The following GGT1 variants were observed in gnomAD, a reference collection of about 807,000 sequenced individuals.
GGT1 encodes the protein gamma-glutamyltransferase 1, also known as glutathione hydrolase 1 proenzyme.
GGT1 carries 21 observed loss-of-function variants against 56.0 expected under a neutral mutation model. That is an observed-to-expected ratio of 0.38 (90% CI 0.27 to 0.54). The LOEUF (loss-of-function observed/expected upper bound fraction) is 0.54, where lower values mean the gene tolerates loss of function less well. Among genes scored for constraint, GGT1 ranks in the 20% least tolerant of loss-of-function variants. GGT1 has a pLI of 0.82. For missense variants in GGT1, 466 were observed against 787.0 expected (o/e 0.59, Z 4.88); for synonymous variants, 238 against 342.6 (o/e 0.69, Z 3.37).
intron 1 of GGT1, among the ~76,000 whole-genome samples, chr22:24,607,467 T>A (rs2147285830): frequency 6.6e-6 from 1 of 152,206 alleles, no homozygotes; most frequent in Non-Finnish European, 1.5e-5. Context: ...GGGAACTGAG[T>A]CTGAAAGGAA....
intron 2 of GGT1, among the ~76,000 whole-genome samples, chr22:24,608,817 T>G (rs200153948): frequency 1.3e-5 from 2 of 152,116 alleles, no homozygotes; most frequent in African/African-American, 4.8e-5. Flanking sequence ...CCACCATGCC[T>G]GGCTAATTTT....
intron 4 of GGT1, 22 bp from the exon 5 acceptor site, chr22:24,611,053 G>C: frequency 6.3e-7 from 1 of 1,590,166 alleles, no homozygotes; most frequent in Non-Finnish European, 8.6e-7. Context: ...GCCTGACCCT[G>C]CTTCTTACCC....
In GGT1 at chr22:24,603,437, G is replaced by A. The variant is rs1249770304; in HGVS notation, c.-519G>A. 6.6e-6 allele frequency: 1 copy of A among 152,292 alleles called. No homozygotes were observed. 9.4% of individuals were successfully genotyped at this position (152,292 alleles called of 1,614,324 possible). On this transcript the variant is annotated 5_prime_UTR_variant, in exon 1 of 16. Transcript: ENST00000400382. ...GAGTTCCTCTTCCTCTCCAAGCCTCGGTTTATGTACCCGTGCAGTGGGAGT... is the reference window on the plus strand; with the variant it reads ...GAGTTCCTCTTCCTCTCCAAGCCTCAGTTTATGTACCCGTGCAGTGGGAGT...
chr22:24,585,749 T>C, the GGT1 span: 1 of 999,646 alleles, frequency 1.0e-6, no homozygotes, highest in South Asian at 1.7e-5. Flanking sequence ...GAGTCCATTC[T>C]TCTGTCCCCT....
At chr22:24,585,552 T>C in the GGT1 span, 4 of 364,100 alleles carry the variant, frequency 1.1e-5, no homozygotes, top group East Asian at 1.1e-4. Flanking sequence ...CCCTTTTGGA[T>C]AGACACAGCC....
At chr22:24,627,259 A>T (rs2047846347) in intron 11 of GGT1, 173 bp from the exon 12 acceptor site, 1 of 1,299,662 alleles carries the variant, frequency 7.7e-7, no homozygotes, top group African/African-American at 1.5e-5. Context: ...AGAGACAGGG[A>T]GTCAGACTGG....
intron 4 of GGT1, 25 bp from the exon 5 acceptor site, chr22:24,611,050 C>T (rs762573916): frequency 2.3e-5 from 37 of 1,587,382 alleles, no homozygotes; most frequent in Admixed American, 1.4e-4. Flanking sequence ...TAGGCCTGAC[C>T]CTGCTTCTTA....
At chr22:24,605,114 TTATATAATATGTAATATATTATATAA>T (rs2045980562) in intron 1 of GGT1, among the ~76,000 whole-genome samples, 4 of 7,926 alleles carry the variant, frequency 5.0e-4, no homozygotes, top group South Asian at 3.0e-3. Context: ...ATATTATATA[TTATATAATATGTAATATATTATATAA>T]TATATAATAT....
At chr22:24,596,914 CAAA>C (rs78452000) in intron 1 of GGT1, among the ~76,000 whole-genome samples, 312 of 63,036 alleles carry the variant, frequency 4.9e-3, no homozygotes, top group African/African-American at 0.015. Flanking sequence ...GACTCTGTCT[CAAA>C]AAAAAAAAAA....
the GGT1 span, chr22:24,588,869 GCTCT>G: frequency 3.0e-6 from 3 of 1,007,336 alleles, no homozygotes; most frequent in South Asian, 8.4e-5. Context: ...CCACCACCTG[GCTCT>G]CTCTCAGTCC....
the GGT1 span, chr22:24,589,072 C>T: frequency 1.9e-6 from 2 of 1,065,548 alleles, no homozygotes; most frequent in Non-Finnish European, 2.3e-6. Flanking sequence ...GGCGCAGAGT[C>T]CTAGGGGCCG....
chr22:24,586,120 G>A, the GGT1 span: 1 of 1,613,156 alleles, frequency 6.2e-7, no homozygotes. Flanking sequence ...CCAAAGCAGG[G>A]AACTTGGTGG....
chr22:24,614,917 C>T lies in GGT1; in HGVS notation c.295+11C>T, dbSNP rs200618806. The T allele has an allele frequency of 9.0e-5, 134 of 1,485,900 alleles. No homozygotes were observed. Among genetic ancestry groups the T allele is most frequent in the Non-Finnish European group, 1.1e-4 (121 of 1,098,938 alleles). The allele number at this position is 1,485,900 out of a possible 1,614,324, so 92.0% of individuals were successfully genotyped here. On this transcript the variant is annotated intron_variant, in intron 6 of 15. Coordinates refer to ENST00000400382, the MANE Select transcript of GGT1 (RefSeq NM_001288833.2). ...ACAACAGCACCACACGTGAGTGCCT[C>T]GGGAGAGGAGAGGGAGAGGGGCAGG...
Position 24,620,472 on chromosome 22 carries a change from C to T in GGT1, c.527C>T (p.Ala176Val), listed in dbSNP as rs768207639. 15 of 1,611,776 alleles carry T rather than the reference C, an allele frequency of 9.3e-6. No individual in the cohort carries two copies. Among genetic ancestry groups the T allele is most frequent in the Middle Eastern group, 2.2e-4 (1 of 4,452 alleles). Residue 176 changes from alanine (A) to valine (V), a missense_variant, in exon 8 of 16, where the codon GCA becomes GTA. By Grantham distance (64) the Ala-to-Val change is moderately conservative (BLOSUM62 0). This residue lies in a region of GGT1 where 456 missense variants were observed against 716.7 expected (regional missense o/e 0.64). Transcript: ENST00000400382. This position sits in a 1 kb window ranked among gnomAD's most constrained non-coding sequence, Gnocchi z 5.6. ...QGFPVGKGLA[A>V]ALENKRTVIE... is the part of the protein sequence containing the mutation. Reference sequence around the variant, plus strand: ...TTCCCCGTGGGCAAGGGCTTGGCGGCAGCCCTGGAAAACAAGCGGACCGTC... The same window carrying T: ...TTCCCCGTGGGCAAGGGCTTGGCGGTAGCCCTGGAAAACAAGCGGACCGTC...
In GGT1 at chr22:24,620,053, A is replaced by C. The variant is rs1265545543; in HGVS notation, c.383-275A>C. Among the ~76,000 whole-genome samples, 1 of 151,872 alleles carries C rather than the reference A, an allele frequency of 6.6e-6. No individual in the cohort carries two copies. Among genetic ancestry groups the C allele is most frequent in the African/African-American group, 2.4e-5 (1 of 41,322 alleles). On this transcript the variant is annotated intron_variant, in intron 7 of 15. Transcript: ENST00000400382. The surrounding 1 kb of genome is among the most constrained non-coding windows in gnomAD (Gnocchi z 5.6). The stretch of plus-strand genomic sequence containing the variant: ...ATTAAAATTAAAAAATAAATTTAAA[A>C]ATTAAAAATCCCCTTCTGCTAGGTG...
At position 24,614,348 on chromosome 22, in the gene GGT1, C is replaced by CAAAAAAA. The variant is rs534749815; in HGVS notation, c.165-405_165-399dup. On this transcript the variant is annotated intron_variant, in intron 5 of 15. Coordinates refer to ENST00000400382, the MANE Select transcript of GGT1 (RefSeq NM_001288833.2). Reference sequence around the variant, plus strand: ...TGAGCAACAAAGAGAGACTTTGTCTCAAAAAAAAAAAAAAAAAAAAAAAAA... The same window carrying CAAAAAAA: ...TGAGCAACAAAGAGAGACTTTGTCTCAAAAAAAAAAAAAAAAAAAAAAAAAAAAAAAA... Among the ~76,000 whole-genome samples, 19 of 10,748 alleles carry CAAAAAAA rather than the reference C, an allele frequency of 1.8e-3. 1 individual carries two copies. The highest frequency in any genetic ancestry group is 4.2e-3 in the African/African-American group (17 of 4,074). 7.1% of individuals were successfully genotyped at this position (10,748 alleles called of 152,430 possible). A position where few individuals can be genotyped will look rare whatever the true frequency, so the allele number is the denominator to read the frequency against.
At chr22:24,624,785 T>A (rs1395924877) in intron 11 of GGT1, 1 of 380,294 alleles carries the variant, frequency 2.6e-6, no homozygotes, top group Admixed American at 6.4e-5. Flanking sequence ...GAAACTTCTA[T>A]CTGCTGCCTC....
chr22:24,623,780 G>T lies in GGT1; in HGVS notation c.884G>T (p.Gly295Val). 6.2e-7 allele frequency: 1 copy of T among 1,611,700 alleles called. No homozygotes were observed. Among genetic ancestry groups the T allele is most frequent in the Non-Finnish European group, 8.5e-7 (1 of 1,179,806 alleles). Residue 295 changes from glycine (G) to valine (V), a missense_variant and splice_region_variant, in exon 11 of 16, where the codon GGG becomes GTG. Coordinates refer to ENST00000400382, the MANE Select transcript of GGT1 (RefSeq NM_001288833.2). ...CATGCACCTGGCTCTGATCAACCAG[G>T]GTACAACTTCTCCCGGGAGAGCGTG... is the stretch of plus-strand genomic sequence containing the variant. ...VLALILNILK[G>V]YNFSRESVES...
upstream of GGT1, chr22:24,592,838 A>C (rs112108503): frequency 7.1e-3 from 9,050 of 1,273,708 alleles, 540 homozygotes; most frequent in African/African-American, 0.13. Flanking sequence ...CCGCCAGCCC[A>C]GGGGCGGACG....
Sources: allele counts gnomAD v4.1 joint callset (sites outside exome capture counted in the v4.1 genomes callset), GRCh38; gene constraint gnomAD v4.1.1; regional missense constraint gnomAD v4.1.1; non-coding constraint Gnocchi (gnomAD v3.1); transcripts MANE v1.5; gene names NCBI Gene and HGNC (gene_info 2026-07-23, HGNC 2026-07-21).